SEC14L6: variants seen among roughly 807,000 people sequenced by gnomAD.
SEC14L6 encodes the protein SEC14-like protein 6.
Under a neutral mutation model 54.1 loss-of-function variants are expected in SEC14L6, and 40 were observed. That is an observed-to-expected ratio of 0.74 (90% CI 0.57 to 0.96). The LOEUF (loss-of-function observed/expected upper bound fraction) is 0.96. Among genes scored for constraint, SEC14L6 ranks in the 40% least tolerant of loss-of-function variants. The pLI is 0.00. For missense variants in SEC14L6, 471 were observed against 498.3 expected (o/e 0.95, Z 0.52); for synonymous variants, 171 against 198.4 (o/e 0.86, Z 1.16).
chr22:30,541,966 A>C (rs1479837840), intron 1 of SEC14L6, among the ~76,000 whole-genome samples: 2 of 152,222 alleles, frequency 1.3e-5, no homozygotes, highest in Non-Finnish European at 2.9e-5. Flanking sequence ...ACAGCTTTAC[A>C]CACACTACCT....
At chr22:30,543,048 C>T in intron 1 of SEC14L6, 1 of 1,597,850 alleles carries the variant, frequency 6.3e-7, no homozygotes, top group Non-Finnish European at 8.6e-7. Context: ...CAGCGAGGGC[C>T]ACACCTGACC....
rs187122097 is a variant in SEC14L6 at position 30,528,356 on chromosome 22, C to T, written c.664+731G>A. ...CAGGCTGGTCTTGAACTCCAGACCT[C>T]GTGATCCACCCACCTCGGCCTCCCA... On this transcript the variant is annotated intron_variant, in intron 8 of 11. Transcript: ENST00000402034. Among the ~76,000 whole-genome samples the T allele has an allele frequency of 2.6e-3, 396 of 150,786 alleles. 1 individual carries two copies. The highest frequency in any genetic ancestry group is 2.9e-3 in the Non-Finnish European group (194 of 67,830).
chr22:30,534,891 G>C (rs1012054051), intron 2 of SEC14L6, among the ~76,000 whole-genome samples: 3 of 152,006 alleles, frequency 2.0e-5, no homozygotes. Flanking sequence ...TGGGCATGGT[G>C]GTGGGCACCT....
chr22:30,530,966 A>T (rs1413682430), intron 6 of SEC14L6, among the ~76,000 whole-genome samples: 1 of 152,142 alleles, frequency 6.6e-6, no homozygotes, highest in Non-Finnish European at 1.5e-5. Flanking sequence ...GAATATGAGG[A>T]CAGGGACATC....
chr22:30,531,697 C>A (rs1401761841), intron 6 of SEC14L6, among the ~76,000 whole-genome samples: 3 of 152,176 alleles, frequency 2.0e-5, no homozygotes, highest in African/African-American at 7.2e-5. Flanking sequence ...GCACTCTAGT[C>A]TGGGCAACAA....
In SEC14L6 at chr22:30,532,016, G is replaced by C. The variant is rs547415740; in HGVS notation, c.424-18C>G. Reference sequence around the variant, plus strand: ...TTCCCCAGCTGCAAGGGAATGACAGGGGGTGAGACCCTGTGAGGGCCACTG... The same window carrying C: ...TTCCCCAGCTGCAAGGGAATGACAGCGGGTGAGACCCTGTGAGGGCCACTG... On this transcript the variant is annotated intron_variant, in intron 5 of 11. Transcript: ENST00000402034. The C allele has an allele frequency of 4.5e-6, 7 of 1,548,910 alleles. No individual in the cohort carries two copies. Among genetic ancestry groups the C allele is most frequent in the Admixed American group, 2.0e-5 (1 of 50,936 alleles).
chr22:30,543,088 G>A, intron 1 of SEC14L6: 3 of 1,600,846 alleles, frequency 1.9e-6, no homozygotes, highest in Non-Finnish European at 2.6e-6. Flanking sequence ...CGAGTCTCAT[G>A]GCTTCTCACC....
Position 30,525,025 on chromosome 22 carries a change from G to A in SEC14L6, c.1166C>T (p.Thr389Ile). ...GAATTTCTCCATCTTCTCCATGAAG[G>A]TTTGGTCTGGGAGCAGTACCTCCAC... is the stretch of plus-strand genomic sequence containing the variant. The part of the protein sequence containing the change: ...YTVEVLLPDQ[T>I]FMEKMEKF The change falls in exon 12 of 12, where the codon ACC becomes ATC. Residue 389 changes from threonine (T) to isoleucine (I), a missense_variant. By Grantham distance (89) the Thr-to-Ile change is moderately conservative. Coordinates refer to ENST00000402034, the MANE Select transcript of SEC14L6 (RefSeq NM_001193336.4). The A allele has an allele frequency of 1.9e-6, 3 of 1,545,938 alleles. No individual in the cohort carries two copies. Among genetic ancestry groups the A allele is most frequent in the Non-Finnish European group, 1.8e-6 (2 of 1,142,726 alleles).
chr22:30,534,992 C>T (rs1001008843), intron 2 of SEC14L6, among the ~76,000 whole-genome samples: 1 of 147,440 alleles, frequency 6.8e-6, no homozygotes, highest in Non-Finnish European at 1.5e-5. Flanking sequence ...CCTAGGGGTT[C>T]GAGACCAGCC....
chr22:30,532,555 G>A lies in SEC14L6; in HGVS notation c.393C>T (p.Leu131=), dbSNP rs540993479. 30 of 1,550,484 alleles carry A rather than the reference G, an allele frequency of 1.9e-5. No individual in the cohort carries two copies. In the Admixed American group the frequency reaches 5.3e-4, roughly 27 times the overall value. The change falls in exon 5 of 12, where the codon CTC becomes CTT. Residue 131 remains leucine, a synonymous_variant. Transcript: ENST00000402034. The part of the protein sequence containing the change: ...LRDSFRSCEL[L]LRECELQSQK... ...GACTCTGCAGCTCACACTCCCGCAGGAGCAGCTCGCAGCTCCGGAAGCTGT... is the reference window on the plus strand; with the variant it reads ...GACTCTGCAGCTCACACTCCCGCAGAAGCAGCTCGCAGCTCCGGAAGCTGT...
In SEC14L6 at chr22:30,524,999, A is replaced by G; in HGVS notation, c.1192T>C (p.Ter398GlnextTer105). The G allele has an allele frequency of 6.7e-7, 1 of 1,487,616 alleles. No homozygotes were observed. Among genetic ancestry groups the G allele is most frequent in the Non-Finnish European group, 9.2e-7 (1 of 1,089,642 alleles). 92.2% of individuals were successfully genotyped at this position (1,487,616 alleles called of 1,614,324 possible). ...QTFMEKMEKF[*>Q] The stretch of plus-strand genomic sequence containing the variant: ...GGTGTGGGGACCATGAGGTTCACCT[A>G]GAATTTCTCCATCTTCTCCATGAAG... Residue 398 changes from the stop codon to glutamine (Q), a stop_lost, in exon 12 of 12, where the codon TAG becomes CAG. Transcript: ENST00000402034.
rs1414697064 is a variant in SEC14L6, at chr22:30,523,280, G to A, written c.*1717C>T. ...AGCTGACAGCATAGCCAGACCCAAA[G>A]AGGCCTGATCGCAGGACAGCACTCT... On this transcript the variant is annotated 3_prime_UTR_variant, in exon 12 of 12. Coordinates refer to ENST00000402034, the MANE Select transcript of SEC14L6 (RefSeq NM_001193336.4). The A allele has an allele frequency of 6.6e-6, 1 of 152,260 alleles. No homozygotes were observed. The highest frequency in any genetic ancestry group is 1.5e-5 in the Non-Finnish European group (1 of 68,078). 9.4% of individuals were successfully genotyped at this position (152,260 alleles called of 1,614,324 possible).
At chr22:30,525,313 C>T (rs751211578) in intron 11 of SEC14L6, 37 bp downstream of exon 11, 5 of 1,605,226 alleles carry the variant, frequency 3.1e-6, no homozygotes, top group Non-Finnish European at 4.3e-6. Context: ...CCCCCTAGCC[C>T]CCAGCTCCAG....
At chr22:30,525,248 C>T in intron 11 of SEC14L6, 102 bp downstream of exon 11, 1 of 1,433,632 alleles carries the variant, frequency 7.0e-7, no homozygotes, top group East Asian at 2.5e-5. Flanking sequence ...ACACTGTGCC[C>T]ACCAGAACCA....
chr22:30,543,781 ACTT>A, intron 1 of SEC14L6: 2 of 1,528,610 alleles, frequency 1.3e-6, no homozygotes, highest in African/African-American at 1.4e-5. Flanking sequence ...CCAGGGCTCC[ACTT>A]CTTCTACAAG....
intron 6 of SEC14L6, 101 bp from the exon 7 acceptor site, chr22:30,529,450 G>A (rs1176579619): frequency 1.4e-5 from 13 of 916,292 alleles, no homozygotes; most frequent in East Asian, 5.3e-5. Context: ...CCTTGGCCTC[G>A]AATGCCAACC....
At chr22:30,544,036 G>T in intron 1 of SEC14L6, 1 of 1,557,574 alleles carries the variant, frequency 6.4e-7, no homozygotes, top group Non-Finnish European at 8.8e-7. Flanking sequence ...CCCCAAGCCC[G>T]AGCTGTCCTT....
chr22:30,546,518 A>C, intron 1 of SEC14L6, 111 bp downstream of exon 1: 54 of 967,246 alleles, frequency 5.6e-5, no homozygotes, highest in Non-Finnish European at 7.8e-5. Context: ...AGGGTTGGGA[A>C]GAGACCCAGA....
chr22:30,532,986 A>G, intron 3 of SEC14L6, 130 bp from the exon 4 acceptor site: 7 of 1,503,616 alleles, frequency 4.7e-6, no homozygotes, highest in African/African-American at 1.4e-5. Context: ...CCCAGGCTCC[A>G]CTGACATAGA....
Sources: allele counts gnomAD v4.1 joint callset (sites outside exome capture counted in the v4.1 genomes callset), GRCh38; gene constraint gnomAD v4.1.1; transcripts MANE v1.5; gene names NCBI Gene and HGNC (gene_info 2026-07-23, HGNC 2026-07-21).